Variants in LRMDA observed in about 807,000 individuals in gnomAD.
LRMDA encodes leucine rich melanocyte differentiation associated.
A neutral mutation model predicts 29.8 loss-of-function variants in LRMDA; 18 were observed. The ratio of observed to expected loss-of-function variants is 0.60; its 90% CI spans 0.42 to 0.90. The LOEUF (loss-of-function observed/expected upper bound fraction) is 0.90, where lower values mean the gene tolerates loss of function less well. Ranked by LOEUF, LRMDA falls within the 40% of genes least tolerant of loss-of-function variation. LRMDA has a pLI of 0.00. For synonymous variants in LRMDA, 125 were observed against 109.4 expected, an observed-to-expected ratio of 1.14 and a Z score of -0.89; for missense variants, 273 against 273.9, an observed-to-expected ratio of 1.00 and a Z score of 0.02.
At chr10:75,761,657 C>G (rs955890954) in intron 2 of LRMDA, among the ~76,000 whole-genome samples, 2 of 152,030 alleles carry the variant, frequency 1.3e-5, no homozygotes, top group Non-Finnish European at 2.9e-5. Flanking sequence ...GCTACTGAAT[C>G]ATATATGTAA....
chr10:75,746,894 T>C (rs922566939), intron 2 of LRMDA, among the ~76,000 whole-genome samples: 1 of 152,172 alleles, frequency 6.6e-6, no homozygotes, highest in Non-Finnish European at 1.5e-5. Context: ...GTTGTTCTTT[T>C]ATAAATTTCC....
chr10:75,707,806 A>G (rs1842388104), intron 2 of LRMDA, among the ~76,000 whole-genome samples: 1 of 152,102 alleles, frequency 6.6e-6, no homozygotes, highest in Non-Finnish European at 1.5e-5. Flanking sequence ...TTTAAACCTC[A>G]GTCTGGTATT....
intron 2 of LRMDA, among the ~76,000 whole-genome samples, chr10:75,586,012 T>C (rs962690164): frequency 6.6e-6 from 1 of 151,938 alleles, no homozygotes; most frequent in Non-Finnish European, 1.5e-5. Context: ...ATTTCCTCCC[T>C]TTTTTTTAAG....
intron 5 of LRMDA, among the ~76,000 whole-genome samples, chr10:76,221,767 A>G (rs531804510): frequency 7.9e-5 from 12 of 152,262 alleles, no homozygotes; most frequent in African/African-American, 2.9e-4. Flanking sequence ...GGAAAAAACT[A>G]CTTTAAAGCT....
intron 6 of LRMDA, among the ~76,000 whole-genome samples, chr10:76,429,436 A>C (rs76368073): frequency 0.02 from 3,012 of 152,254 alleles, 86 homozygotes; most frequent in South Asian, 0.13. Context: ...ATTGAGTCTC[A>C]GAGGCTGCAG....
At chr10:76,318,107 T>C (rs1840722831) in intron 5 of LRMDA, among the ~76,000 whole-genome samples, 1 of 152,214 alleles carries the variant, frequency 6.6e-6, no homozygotes, top group Non-Finnish European at 1.5e-5. Context: ...TGTCTTCTGT[T>C]ATATAAGTGT....
intron 6 of LRMDA, among the ~76,000 whole-genome samples, chr10:76,451,129 T>C (rs1842401652): frequency 6.6e-6 from 1 of 152,174 alleles, no homozygotes. Context: ...TTTGGTAGGA[T>C]TCTACTCTTG....
chr10:75,573,206 A>T (rs1840458619), intron 2 of LRMDA, among the ~76,000 whole-genome samples: 2 of 152,116 alleles, frequency 1.3e-5, no homozygotes, highest in African/African-American at 2.4e-5. Context: ...TGCTTTAAAG[A>T]TGTTTTTTCT....
intron 2 of LRMDA, among the ~76,000 whole-genome samples, chr10:75,734,181 T>C (rs1409276116): frequency 6.6e-6 from 1 of 152,184 alleles, no homozygotes; most frequent in Non-Finnish European, 1.5e-5. Flanking sequence ...GTGTTATATG[T>C]GGTTTGCCAG....
At chr10:76,042,850 C>T (rs1018736858) in intron 3 of LRMDA, among the ~76,000 whole-genome samples, 2 of 152,052 alleles carry the variant, frequency 1.3e-5, no homozygotes, top group Non-Finnish European at 2.9e-5. Flanking sequence ...TTGGTAGTTT[C>T]ACCACTAAAT....
intron 5 of LRMDA, among the ~76,000 whole-genome samples, chr10:76,173,646 G>A (rs1300951748): frequency 6.6e-6 from 1 of 152,094 alleles, no homozygotes; most frequent in Non-Finnish European, 1.5e-5. Context: ...GAAGAAATAG[G>A]TAAACTCAAT....
At chr10:75,566,204 C>T (rs1000522346) in intron 2 of LRMDA, among the ~76,000 whole-genome samples, 1 of 152,200 alleles carries the variant, frequency 6.6e-6, no homozygotes, top group Non-Finnish European at 1.5e-5. Context: ...TTGATTCCCA[C>T]AGCACTCACA....
At chr10:76,532,061 T>C (rs1843239520) in intron 6 of LRMDA, among the ~76,000 whole-genome samples, 1 of 152,132 alleles carries the variant, frequency 6.6e-6, no homozygotes, top group Non-Finnish European at 1.5e-5. Context: ...AGTTCTGGGG[T>C]ACATGTGCAG....
At chr10:76,154,091 T>C (rs774040186) in intron 5 of LRMDA, among the ~76,000 whole-genome samples, 2 of 152,248 alleles carry the variant, frequency 1.3e-5, no homozygotes, top group Non-Finnish European at 2.9e-5. Flanking sequence ...TCTGTCGTAC[T>C]TGACCCTTTT....
intron 5 of LRMDA, among the ~76,000 whole-genome samples, chr10:76,289,159 A>G (rs1051933478): frequency 1.3e-5 from 2 of 152,204 alleles, no homozygotes; most frequent in African/African-American, 4.8e-5. Context: ...AGGAAGGACA[A>G]ACTTGGCCTG....
intron 2 of LRMDA, among the ~76,000 whole-genome samples, chr10:75,999,122 C>T (rs1847519743): frequency 6.6e-6 from 1 of 152,198 alleles, no homozygotes; most frequent in African/African-American, 2.4e-5. Flanking sequence ...TAGCATGTCA[C>T]ACAGCTGGTG....
At chr10:75,534,103 A>T (rs1299117350) in intron 2 of LRMDA, among the ~76,000 whole-genome samples, 1 of 152,198 alleles carries the variant, frequency 6.6e-6, no homozygotes, top group Non-Finnish European at 1.5e-5. Context: ...CATGCTCTCT[A>T]CATCAAAGGT....
chr10:75,759,988 G>A (rs1564560639), intron 2 of LRMDA, among the ~76,000 whole-genome samples: 1 of 152,086 alleles, frequency 6.6e-6, no homozygotes, highest in African/African-American at 2.4e-5. Flanking sequence ...CCAATTCATT[G>A]GGAATTATGT....
intron 2 of LRMDA, among the ~76,000 whole-genome samples, chr10:75,875,543 C>T (rs1393331936): frequency 6.6e-6 from 1 of 152,154 alleles, no homozygotes; most frequent in East Asian, 1.9e-4. Flanking sequence ...AAGCGATTCT[C>T]CTGCCTCAGC....
Sources: allele counts gnomAD v4.1 joint callset (sites outside exome capture counted in the v4.1 genomes callset), GRCh38; gene constraint gnomAD v4.1.1; transcripts MANE v1.5; gene names NCBI Gene and HGNC (gene_info 2026-07-23, HGNC 2026-07-21).